The following QKI variants were observed in gnomAD, a reference collection of about 807,000 sequenced individuals.
QKI encodes QKI, KH domain containing RNA binding.
A neutral mutation model predicts 39.0 loss-of-function variants in QKI; 10 were observed. The ratio of observed to expected loss-of-function variants is 0.26; its 90% CI spans 0.16 to 0.43. The LOEUF (loss-of-function observed/expected upper bound fraction) is 0.43, where lower values mean the gene tolerates loss of function less well. Ranked by LOEUF, QKI falls within the 20% of genes least tolerant of loss-of-function variation. The pLI, the probability that QKI is intolerant of heterozygous loss-of-function variation, is 1.00. For missense variants in QKI, 218 were observed against 428.0 expected (o/e 0.51, Z 4.33); for synonymous variants, 204 against 155.4 (o/e 1.31, Z -2.33).
chr6:163,442,519 G>T (rs9458828), intron 1 of QKI, among the ~76,000 whole-genome samples: 11,969 of 152,220 alleles, frequency 0.079, 528 homozygotes, highest in Middle Eastern at 0.12. Flanking sequence ...GTGGAAGCAG[G>T]TAGACCGGTT....
intron 3 of QKI, among the ~76,000 whole-genome samples, chr6:163,483,084 T>C (rs1319119663): frequency 6.6e-6 from 1 of 152,182 alleles, no homozygotes; most frequent in African/African-American, 2.4e-5. Flanking sequence ...TAGTCACACA[T>C]TTTTTTAGTT....
chr6:163,465,567 C>G (rs944331067), intron 2 of QKI, among the ~76,000 whole-genome samples: 4 of 148,044 alleles, frequency 2.7e-5, no homozygotes, highest in African/African-American at 1.0e-4. Context: ...AGGTGGAGGT[C>G]GCAGTGAGCT....
intron 2 of QKI, among the ~76,000 whole-genome samples, chr6:163,462,941 G>A (rs1461919610): frequency 2.0e-5 from 3 of 152,148 alleles, no homozygotes; most frequent in Admixed American, 2.0e-4. Flanking sequence ...CATTCGTTGA[G>A]AATAAAGATG....
chr6:163,537,612 T>A (rs1395113621), intron 4 of QKI, among the ~76,000 whole-genome samples: 1 of 152,242 alleles, frequency 6.6e-6, no homozygotes, highest in Non-Finnish European at 1.5e-5. Context: ...GCCAGTCTTT[T>A]GGTTTGGAAT....
rs142096098 is a variant in QKI at position 163,443,423 on chromosome 6, G to A, written c.143-11856G>A. On this transcript the variant is annotated intron_variant, in intron 1 of 7. Transcript: ENST00000361752. ...GTCTCTGCTAAAAATACAAAAATTA[G>A]TCGGTGTGGTGGCGGGTGCCTGTAT... 2.7e-3 allele frequency among the ~76,000 whole-genome samples: 408 copies of A among 152,310 alleles called. 3 individuals are homozygous for A. The highest frequency in any genetic ancestry group is 9.3e-3 in the African/African-American group (385 of 41,574).
At chr6:163,434,879 C>T (rs966457928) in intron 1 of QKI, among the ~76,000 whole-genome samples, 6 of 151,778 alleles carry the variant, frequency 4.0e-5, no homozygotes, top group African/African-American at 1.2e-4. Flanking sequence ...AGTATTGTGA[C>T]TTATTAAGAA....
intron 4 of QKI, among the ~76,000 whole-genome samples, chr6:163,552,769 G>A (rs1372598617): frequency 6.6e-6 from 1 of 152,048 alleles, no homozygotes; most frequent in Non-Finnish European, 1.5e-5. Flanking sequence ...GTCTTCCACC[G>A]CAGCCTGTGC....
intron 3 of QKI, among the ~76,000 whole-genome samples, chr6:163,528,250 C>T (rs1428719692): frequency 2.6e-5 from 4 of 152,134 alleles, no homozygotes; most frequent in Admixed American, 2.6e-4. Context: ...ACAAGATGTG[C>T]TTAGAATTCT....
At chr6:163,503,416 C>T (rs1297724330) in intron 3 of QKI, among the ~76,000 whole-genome samples, 1 of 151,862 alleles carries the variant, frequency 6.6e-6, no homozygotes, top group African/African-American at 2.4e-5. Flanking sequence ...TTAATGGAGT[C>T]GTTTTTTTGC....
intron 3 of QKI, among the ~76,000 whole-genome samples, chr6:163,530,053 T>C (rs1434595197): frequency 6.6e-6 from 1 of 152,198 alleles, no homozygotes; most frequent in African/African-American, 2.4e-5. Flanking sequence ...AACTGTGTTC[T>C]TCTATGTTGC....
At chr6:163,450,351 A>C (rs11964587) in intron 1 of QKI, among the ~76,000 whole-genome samples, 4,750 of 152,124 alleles carry the variant, frequency 0.031, 240 homozygotes, top group African/African-American at 0.11. Flanking sequence ...ATCCACCACA[A>C]CCGGCCCAGT....
chr6:163,564,034 G>C, intron 6 of QKI: 1 of 1,151,306 alleles, frequency 8.7e-7, no homozygotes, highest in Non-Finnish European at 1.1e-6. Flanking sequence ...CACCCCATTG[G>C]CCCGTCACCT....
rs949529368 is a variant in QKI at position 163,577,682 on chromosome 6, A to G, written c.*6972A>G. The G allele has an allele frequency of 6.6e-6, 1 of 152,336 alleles. No individual in the cohort carries two copies. The highest frequency in any genetic ancestry group is 1.5e-5 in the Non-Finnish European group (1 of 68,060). 9.4% of individuals were successfully genotyped at this position (152,336 alleles called of 1,614,324 possible). On this transcript the variant is annotated 3_prime_UTR_variant, in exon 8 of 8. Transcript: ENST00000361752. Reference sequence around the variant, plus strand: ...CCCCGGCTCTCTGGCTCCTGTGGATATCTGTGCTTGTTTCCTGGTCCAGGA... The same window carrying G: ...CCCCGGCTCTCTGGCTCCTGTGGATGTCTGTGCTTGTTTCCTGGTCCAGGA...
chr6:163,524,603 G>A (rs1014083845), intron 3 of QKI, among the ~76,000 whole-genome samples: 27 of 151,374 alleles, frequency 1.8e-4, no homozygotes, highest in South Asian at 6.3e-4. Context: ...CTAGTAGCTA[G>A]GATTACAGAC....
intron 3 of QKI, among the ~76,000 whole-genome samples, chr6:163,534,163 A>G (rs1014773022): frequency 1.2e-4 from 19 of 152,218 alleles, no homozygotes; most frequent in Admixed American, 3.3e-4. Context: ...TGCCAACTCT[A>G]CTTAACCTCC....
chr6:163,466,873 CAG>C (rs1332859282), intron 2 of QKI, among the ~76,000 whole-genome samples: 1 of 152,030 alleles, frequency 6.6e-6, no homozygotes. Flanking sequence ...CAAAAATAAA[CAG>C]GACTACATCA....
At chr6:163,566,526 A>G (rs185118949) in intron 6 of QKI, 195 bp from the exon 7 acceptor site, 743 of 1,413,192 alleles carry the variant, frequency 5.3e-4, no homozygotes, top group Non-Finnish European at 6.5e-4. Flanking sequence ...GATGTTTGAA[A>G]TGAATGCAAT....
chr6:163,443,944 C>A (rs1007130781), intron 1 of QKI, among the ~76,000 whole-genome samples: 9 of 152,116 alleles, frequency 5.9e-5, no homozygotes, highest in African/African-American at 2.2e-4. Context: ...TTTTAAAGCC[C>A]TAAGGGATTT....
intron 4 of QKI, among the ~76,000 whole-genome samples, chr6:163,558,874 A>G (rs754257553): frequency 6.6e-6 from 1 of 152,176 alleles, no homozygotes; most frequent in Non-Finnish European, 1.5e-5. Context: ...GTACCCTGCC[A>G]AAATGTGGCT....
Sources: allele counts gnomAD v4.1 joint callset (sites outside exome capture counted in the v4.1 genomes callset), GRCh38; gene constraint gnomAD v4.1.1; transcripts MANE v1.5; gene names NCBI Gene and HGNC (gene_info 2026-07-23, HGNC 2026-07-21).